The following GMEB2 variants were observed in gnomAD, a reference collection of about 807,000 sequenced individuals.
The protein encoded by GMEB2 is glucocorticoid modulatory element binding protein 2, also known as glucocorticoid modulatory element-binding protein 2.
GMEB2 carries 7 observed loss-of-function variants against 45.7 expected under a neutral mutation model. That is an observed-to-expected ratio of 0.15 (90% confidence interval 0.09 to 0.29). GMEB2 has a LOEUF of 0.29. Among genes scored for constraint, GMEB2 ranks in the 10% least tolerant of loss-of-function variants. The pLI is 1.00. For missense variants in GMEB2, 582 were observed against 739.2 expected (o/e 0.79, Z 2.47); for synonymous variants, 322 against 323.6 (o/e 1.00, Z 0.05).
intron 2 of GMEB2, among the ~76,000 whole-genome samples, chr20:63,616,194 A>G (rs1364087445): frequency 6.6e-6 from 1 of 152,212 alleles, no homozygotes; most frequent in Non-Finnish European, 1.5e-5. Context: ...CTGTAATTCC[A>G]GCACTTTGGG....
At chr20:63,598,117 G>A (rs1397079928) in intron 4 of GMEB2, among the ~76,000 whole-genome samples, 1 of 152,176 alleles carries the variant, frequency 6.6e-6, no homozygotes, top group African/African-American at 2.4e-5. Flanking sequence ...AGACAGGGCT[G>A]GGCTGACCAC....
At chr20:63,591,726 A>G (rs986493694) in intron 9 of GMEB2, among the ~76,000 whole-genome samples, 2 of 152,052 alleles carry the variant, frequency 1.3e-5, no homozygotes, top group Non-Finnish European at 2.9e-5. Context: ...CGGCCTCCCA[A>G]AGCGCTGGGA....
intron 5 of GMEB2, among the ~76,000 whole-genome samples, chr20:63,597,239 G>A (rs1387434121): frequency 7.1e-6 from 1 of 141,336 alleles, no homozygotes. Context: ...ACAGCTCACT[G>A]CAGCCTTGAC....
chr20:63,590,025 C>A lies in GMEB2; in HGVS notation c.*64G>T. The A allele has an allele frequency of 7.0e-7, 1 of 1,428,112 alleles. No homozygotes were observed. Among genetic ancestry groups the A allele is most frequent in the East Asian group, 2.4e-5 (1 of 41,156 alleles). 88.5% of individuals were successfully genotyped at this position (1,428,112 alleles called of 1,614,324 possible). On this transcript the variant is annotated 3_prime_UTR_variant, in exon 10 of 10. Transcript: ENST00000370077. Reference sequence around the variant, plus strand: ...GCCAGCCCTGCGGCCTCTGCCCGCTCCCTGCTGCCGCGGCTGAGAGACAGC... The same window carrying A: ...GCCAGCCCTGCGGCCTCTGCCCGCTACCTGCTGCCGCGGCTGAGAGACAGC...
At chr20:63,594,446 G>T (rs1021732844) in intron 6 of GMEB2, among the ~76,000 whole-genome samples, 2 of 152,208 alleles carry the variant, frequency 1.3e-5, no homozygotes, top group African/African-American at 4.8e-5. Context: ...AGTGTCCTGG[G>T]CTTCTCAGGA....
Position 63,590,435 on chromosome 20 carries a change from T to G in GMEB2, c.1247A>C (p.Gln416Pro). ...PSTVLGKGSL[Q>P]APPASSPASP... ...GGCCGGGGAGCTGGCGGGGGGCGCC[T>G]GAAGGGAACCCTTGCCCAGGACGGT... The change falls in exon 10 of 10, where the codon CAG (glutamine) becomes CCG (proline). Residue 416 changes from glutamine (Q) to proline (P), a missense_variant. Physicochemically the swap from Gln to Pro is moderately conservative, Grantham distance 76. Transcript: ENST00000370077. 6.5e-7 allele frequency: 1 copy of G among 1,546,420 alleles called. No homozygotes were observed. The highest frequency in any genetic ancestry group is 8.8e-7 in the Non-Finnish European group (1 of 1,141,160).
chr20:63,590,722 C>T lies in GMEB2; in HGVS notation c.960G>A (p.Glu320=). Residue 320 remains glutamate, a synonymous_variant, in exon 10 of 10, where the codon GAG becomes GAA. Transcript: ENST00000370077. Reference sequence around the variant, plus strand: ...GGCGACGATGCTCATCACACTGCTGCTCCAGGGCTGCAGGGAGGTACAGAT... The same window carrying T: ...GGCGACGATGCTCATCACACTGCTGTTCCAGGGCTGCAGGGAGGTACAGAT... ...EQYARDLAAL[E]QQCDEHRRRA... 6.6e-7 allele frequency: 1 copy of T among 1,504,664 alleles called. No individual in the cohort carries two copies. The highest frequency in any genetic ancestry group is 8.9e-7 in the Non-Finnish European group (1 of 1,121,866). The allele number at this position is 1,504,664 out of a possible 1,614,324, so 93.2% of individuals were successfully genotyped here. A position where few individuals can be genotyped will look rare whatever the true frequency, so the allele number is the denominator to read the frequency against.
chr20:63,599,673 TTTCATTATGATGTCACC>T (rs2083227343), intron 4 of GMEB2, among the ~76,000 whole-genome samples: 1 of 152,222 alleles, frequency 6.6e-6, no homozygotes, highest in South Asian at 2.1e-4. Context: ...CCTTCTGGAA[TTTCATTATGATGTCACC>T]TATGGTACAT....
intron 1 of GMEB2, 114 bp downstream of exon 1, chr20:63,626,842 T>TC (rs955911225): frequency 1.5e-5 from 2 of 134,724 alleles, no homozygotes; most frequent in African/African-American, 5.4e-5. Context: ...GGCCCTCCCC[T>TC]CCCCCCGCCG....
chr20:63,622,319 C>T (rs959693413), intron 1 of GMEB2, among the ~76,000 whole-genome samples: 6 of 152,332 alleles, frequency 3.9e-5, no homozygotes, highest in African/African-American at 1.4e-4. Flanking sequence ...TGGCCCTGCA[C>T]TCACTAAGGG....
chr20:63,614,195 A>T (rs1224112713), intron 2 of GMEB2, among the ~76,000 whole-genome samples: 1 of 152,220 alleles, frequency 6.6e-6, no homozygotes, highest in Admixed American at 6.5e-5. Flanking sequence ...ATATATGAAT[A>T]TCATTCATCA....
At chr20:63,624,524 G>A (rs572150317) in intron 1 of GMEB2, among the ~76,000 whole-genome samples, 1 of 152,260 alleles carries the variant, frequency 6.6e-6, no homozygotes, top group East Asian at 1.9e-4. Flanking sequence ...TCACTGAGGA[G>A]ACGCTGCTTT....
At chr20:63,594,983 C>A (rs551594823) in intron 6 of GMEB2, among the ~76,000 whole-genome samples, 6 of 152,206 alleles carry the variant, frequency 3.9e-5, no homozygotes, top group Admixed American at 1.3e-4. Context: ...GATCCACCCG[C>A]CTCGGCTTCC....
chr20:63,588,909 C>G lies in GMEB2; in HGVS notation c.*1180G>C, dbSNP rs2083118034. On this transcript the variant is annotated 3_prime_UTR_variant, in exon 10 of 10. Coordinates refer to ENST00000370077, the MANE Select transcript of GMEB2 (RefSeq NM_012384.5). ...GTGAGTCCAAGGCCAGGTCTCAGGA[C>G]AGCCACAGACAGCCCTTCCAGACAG... 4 of 398,654 alleles carry G rather than the reference C, an allele frequency of 1.0e-5. No homozygotes were observed. Among genetic ancestry groups the G allele is most frequent in the East Asian group, 3.6e-5 (1 of 28,108 alleles). 24.7% of individuals were successfully genotyped at this position (398,654 alleles called of 1,614,324 possible).
intron 3 of GMEB2, among the ~76,000 whole-genome samples, chr20:63,603,451 A>G (rs1332633562): frequency 6.6e-6 from 1 of 152,218 alleles, no homozygotes; most frequent in Non-Finnish European, 1.5e-5. Flanking sequence ...GAAAAATATT[A>G]AGAGTGTTAT....
At position 63,592,978 on chromosome 20, in the gene GMEB2, C is replaced by A; in HGVS notation, c.691+33G>T. The A allele has an allele frequency of 6.7e-7, 1 of 1,495,878 alleles. No individual in the cohort carries two copies. Among genetic ancestry groups the A allele is most frequent in the East Asian group, 2.3e-5 (1 of 43,704 alleles). 92.7% of individuals were successfully genotyped at this position (1,495,878 alleles called of 1,614,324 possible). A position where few individuals can be genotyped will look rare whatever the true frequency, so the allele number is the denominator to read the frequency against. On this transcript the variant is annotated intron_variant, in intron 7 of 9. Transcript: ENST00000370077. The surrounding 1 kb of genome is among the most constrained non-coding windows in gnomAD (Gnocchi z 8.2). ...CAGAGACTCCACCACCCCGCCAGGG[C>A]TTGTGAGAAGCCCACAAGGAGGAAC...
In GMEB2 at chr20:63,604,774, T is replaced by C; in HGVS notation, c.198A>G (p.Thr66=). 1 of 1,611,214 alleles carries C rather than the reference T, an allele frequency of 6.2e-7. No homozygotes were observed. The highest frequency in any genetic ancestry group is 1.1e-5 in the South Asian group (1 of 91,048). ...NAAAAAAAAF[T]ASSQLKEAVL... is the part of the protein sequence containing the mutation. ...CGGCTTCCTTGAGCTGGGAGGAGGC[T>C]GTGAAGGCCGCGGCAGCTGCTGCCG... is the stretch of plus-strand genomic sequence containing the variant. The change falls in exon 3 of 10, where the codon ACA becomes ACG. Residue 66 remains threonine (T), a synonymous_variant. Coordinates refer to ENST00000370077, the MANE Select transcript of GMEB2 (RefSeq NM_012384.5).
At chr20:63,618,803 C>A (rs919616683) in intron 2 of GMEB2, among the ~76,000 whole-genome samples, 1 of 152,210 alleles carries the variant, frequency 6.6e-6, no homozygotes. Context: ...AGCAGTTCCA[C>A]CTACGGGCAG....
chr20:63,593,791 G>A lies in GMEB2; in HGVS notation c.620-709C>T, dbSNP rs1389977983. 1.3e-5 allele frequency among the ~76,000 whole-genome samples: 2 copies of A among 152,226 alleles called. No homozygotes were observed. The highest frequency in any genetic ancestry group is 2.9e-5 in the Non-Finnish European group (2 of 68,036). ...AATCCAGGCACTTTGGGAGACTGAG[G>A]CGGGTGGATCACCTAAGGTCAGGAG... On this transcript the variant is annotated intron_variant, in intron 6 of 9. Transcript: ENST00000370077. The surrounding 1 kb of genome is among the most constrained non-coding windows in gnomAD (Gnocchi z 4.7).
Sources: allele counts gnomAD v4.1 joint callset (sites outside exome capture counted in the v4.1 genomes callset), GRCh38; gene constraint gnomAD v4.1.1; non-coding constraint Gnocchi (gnomAD v3.1); transcripts MANE v1.5; gene names NCBI Gene and HGNC (gene_info 2026-07-23, HGNC 2026-07-21).